Variants in AK9 observed in about 807,000 individuals in gnomAD.
AK9 encodes adenylate kinase domain containing 1.
Under a neutral mutation model 239.6 loss-of-function variants are expected in AK9, and 191 were observed. The observed-to-expected ratio is 0.80, with a 90% CI of 0.71 to 0.90. AK9 has a LOEUF of 0.90. Ranked by LOEUF, AK9 falls within the 40% of genes least tolerant of loss-of-function variation. The probability of loss-of-function intolerance (pLI) is 0.00; values close to 1 mark genes in which losing one functional copy is unlikely to be tolerated. For missense variants in AK9, 1,995 were observed against 2,214.7 expected (o/e 0.90, Z 1.99); for synonymous variants, 689 against 721.0 (o/e 0.96, Z 0.71).
At chr6:109,508,290 C>T (rs528427503) in intron 33 of AK9, among the ~76,000 whole-genome samples, 1 of 152,122 alleles carries the variant, frequency 6.6e-6, no homozygotes, top group African/African-American at 2.4e-5. Context: ...ACTTGAGTGA[C>T]CCTCAGGATT....
chr6:109,548,235 C>T (rs1274819993), intron 25 of AK9, among the ~76,000 whole-genome samples: 3 of 152,092 alleles, frequency 2.0e-5, no homozygotes, highest in Non-Finnish European at 4.4e-5. Flanking sequence ...TGCATGGATT[C>T]ACTTTTTTTT....
intron 12 of AK9, 69 bp from the exon 13 acceptor site, chr6:109,619,305 T>G (rs1172148504): frequency 2.1e-5 from 28 of 1,354,510 alleles, no homozygotes; most frequent in Non-Finnish European, 2.4e-5. Context: ...ATTGTTCATC[T>G]ATCTATGTAT....
intron 13 of AK9, 85 bp downstream of exon 13, chr6:109,619,007 T>A (rs1355264189): frequency 1.4e-5 from 20 of 1,397,704 alleles, no homozygotes; most frequent in Non-Finnish European, 1.8e-5. Flanking sequence ...AATGCCAAGA[T>A]GAGCTAAACA....
intron 21 of AK9, among the ~76,000 whole-genome samples, chr6:109,569,428 A>G (rs1363616194): frequency 6.6e-6 from 1 of 152,156 alleles, no homozygotes; most frequent in Admixed American, 6.5e-5. Flanking sequence ...AACTTGACAA[A>G]TGGATCTAAT....
intron 37 of AK9, 86 bp from the exon 38 acceptor site, chr6:109,497,649 T>C: frequency 1.5e-6 from 2 of 1,339,380 alleles, no homozygotes; most frequent in Non-Finnish European, 2.1e-6. Context: ...GTATTTTATT[T>C]TTCTACCTAT....
intron 29 of AK9, 156 bp downstream of exon 29, chr6:109,528,855 C>A: frequency 7.5e-7 from 1 of 1,334,734 alleles, no homozygotes; most frequent in Non-Finnish European, 1.0e-6. Flanking sequence ...GGTGTGATGG[C>A]TCATGCCTGT....
intron 24 of AK9, 116 bp downstream of exon 24, chr6:109,563,481 T>C: frequency 7.1e-7 from 1 of 1,407,978 alleles, no homozygotes; most frequent in Non-Finnish European, 9.3e-7. Flanking sequence ...AGGGAGAATG[T>C]GTGTGCAAAT....
At chr6:109,520,264 C>G (rs1222722671) in intron 29 of AK9, among the ~76,000 whole-genome samples, 1 of 152,110 alleles carries the variant, frequency 6.6e-6, no homozygotes, top group African/African-American at 2.4e-5. Context: ...ACATTTACAT[C>G]TTTAATTTAT....
intron 29 of AK9, among the ~76,000 whole-genome samples, chr6:109,519,207 C>T (rs1443747627): frequency 6.6e-6 from 1 of 152,174 alleles, no homozygotes; most frequent in African/African-American, 2.4e-5. Context: ...TTCCTTTACC[C>T]AGTCCACCAC....
chr6:109,658,714 T>G (rs1800027147), intron 7 of AK9, among the ~76,000 whole-genome samples: 1 of 152,142 alleles, frequency 6.6e-6, no homozygotes, highest in South Asian at 2.1e-4. Context: ...TTTATGTTGA[T>G]TATAAGTTGA....
intron 5 of AK9, among the ~76,000 whole-genome samples, chr6:109,664,012 T>G (rs896843589): frequency 2.6e-5 from 4 of 152,258 alleles, no homozygotes; most frequent in African/African-American, 9.6e-5. Flanking sequence ...CAGCTTTCTC[T>G]TAAGTTGGAC....
intron 23 of AK9, 65 bp downstream of exon 23, chr6:109,564,015 G>A: frequency 7.0e-7 from 1 of 1,425,250 alleles, no homozygotes; most frequent in Non-Finnish European, 9.4e-7. Flanking sequence ...AGGCTTTCAA[G>A]TTTCAAAATG....
intron 9 of AK9, among the ~76,000 whole-genome samples, chr6:109,642,755 A>C (rs1040743936): frequency 1.3e-5 from 2 of 152,322 alleles, no homozygotes; most frequent in Admixed American, 6.5e-5. Context: ...TTACTGAAAA[A>C]GGAGAACGGT....
chr6:109,567,565 G>C (rs148609040), intron 21 of AK9, among the ~76,000 whole-genome samples: 91 of 151,832 alleles, frequency 6.0e-4, no homozygotes, highest in South Asian at 1.5e-3. Flanking sequence ...GGAATCCTCT[G>C]AGTTCACGTC....
At chr6:109,667,946 T>G (rs1046990045) in intron 5 of AK9, among the ~76,000 whole-genome samples, 38 of 152,230 alleles carry the variant, frequency 2.5e-4, no homozygotes, top group Admixed American at 2.5e-3. Context: ...TCAAATGATA[T>G]TTCTAGTTCT....
chr6:109,542,146 T>C lies in AK9; in HGVS notation c.3251A>G (p.Glu1084Gly). The change falls in exon 27 of 41, where the codon GAA (glutamate) becomes GGA (glycine). Residue 1084 changes from glutamate (E) to glycine (G), a missense_variant. Around this residue, in one of 5 missense-constraint regions of AK9, gnomAD observed 1,290 missense variants for 1,392.7 expected, o/e 0.93. Transcript: ENST00000424296. The part of the protein sequence containing the change: ...KQLPEVQLTE[E>G]EEVIKSSLME... ...TAGACTTGATTTGATTACTTCTTCT[T>C]CTTCTGTAAGTTGTACTTCTGGAAG... 6.2e-7 allele frequency: 1 copy of C among 1,601,460 alleles called. No individual in the cohort carries two copies. The highest frequency in any genetic ancestry group is 2.2e-5 in the East Asian group (1 of 44,758).
In AK9 at chr6:109,630,181, G is replaced by T. The variant is rs557758130; in HGVS notation, c.1254+2742C>A. 8.6e-5 allele frequency among the ~76,000 whole-genome samples: 13 copies of T among 151,914 alleles called. No homozygotes were observed. The South Asian group carries it at 2.1e-3, about 24-fold the overall frequency. On this transcript the variant is annotated intron_variant, in intron 12 of 40. Transcript: ENST00000424296. ...ATTAGTTAAAAATGATATTACCTAG[G>T]ATAGCATCAAAACCCATCAAATACC...
At chr6:109,635,672 C>T (rs368683730) in intron 10 of AK9, among the ~76,000 whole-genome samples, 13 of 152,184 alleles carry the variant, frequency 8.5e-5, no homozygotes, top group African/African-American at 2.9e-4. Context: ...AAACTCTGGA[C>T]CTTTCCATGG....
intron 7 of AK9, among the ~76,000 whole-genome samples, chr6:109,657,686 C>T (rs1449360547): frequency 6.6e-6 from 1 of 152,028 alleles, no homozygotes; most frequent in East Asian, 1.9e-4. Flanking sequence ...TCTCCTAATG[C>T]TATCCCTCCT....
Sources: gnomAD v4.1 joint callset for allele counts (sites outside exome capture counted in the v4.1 genomes callset) on GRCh38, gnomAD v4.1.1 for gene constraint, gnomAD v4.1.1 regional missense constraint, MANE v1.5 for transcripts, NCBI Gene and HGNC (gene_info 2026-07-23, HGNC 2026-07-21) for gene names.